Variants in BBS9 observed in about 807,000 individuals in gnomAD.
BBS9 encodes protein PTHB1.
Under a neutral mutation model 117.7 loss-of-function variants are expected in BBS9, and 89 were observed. That is an observed-to-expected ratio of 0.76 (90% CI 0.64 to 0.90). BBS9 has a LOEUF of 0.90. Ranked by LOEUF, BBS9 falls within the 40% of genes least tolerant of loss-of-function variation. The probability of loss-of-function intolerance (pLI) is 0.00; values close to 1 mark genes in which losing one functional copy is unlikely to be tolerated. For synonymous variants in BBS9, 379 were observed against 370.9 expected (o/e 1.02, Z -0.25); for missense variants, 982 against 1,042.2 (o/e 0.94, Z 0.80).
intron 19 of BBS9, among the ~76,000 whole-genome samples, chr7:33,467,253 A>G (rs531694635): frequency 4.4e-4 from 67 of 152,186 alleles, no homozygotes; most frequent in Non-Finnish European, 7.9e-4. Flanking sequence ...AGTTACTGAT[A>G]TTACCAAAAC....
intron 21 of BBS9, among the ~76,000 whole-genome samples, chr7:33,631,473 A>T (rs1865887195): frequency 6.6e-6 from 1 of 152,126 alleles, no homozygotes; most frequent in Non-Finnish European, 1.5e-5. Flanking sequence ...TTGCATCCTT[A>T]GCTCCTTTCA....
intron 5 of BBS9, among the ~76,000 whole-genome samples, chr7:33,184,097 C>CACACAG (rs1554333529): frequency 6.7e-6 from 1 of 149,454 alleles, no homozygotes; most frequent in East Asian, 2.0e-4. Flanking sequence ...AGTTTGCACA[C>CACACAG]AGAGAGAGAG....
chr7:33,451,167 T>G (rs1449893425), intron 19 of BBS9, among the ~76,000 whole-genome samples: 2 of 152,088 alleles, frequency 1.3e-5, no homozygotes, highest in Admixed American at 1.3e-4. Context: ...GGATTACAGG[T>G]GTGAGCCACC....
intron 21 of BBS9, among the ~76,000 whole-genome samples, chr7:33,544,823 G>T (rs1162150264): frequency 1.3e-5 from 2 of 152,126 alleles, no homozygotes; most frequent in Non-Finnish European, 2.9e-5. Flanking sequence ...GTCGGGGTGG[G>T]ACTAGGTGTG....
chr7:33,294,286 CTATCATCT>C (rs1372951716), intron 9 of BBS9, among the ~76,000 whole-genome samples: 11 of 149,184 alleles, frequency 7.4e-5, no homozygotes, highest in East Asian at 1.9e-4. Context: ...TTCCATCTAT[CTATCATCT>C]ATCTATCTAT....
Position 33,534,100 on chromosome 7 carries a change from C to T in BBS9, c.2445C>T (p.Leu815=). The T allele has an allele frequency of 6.2e-7, 1 of 1,614,200 alleles. No individual in the cohort carries two copies. Among genetic ancestry groups the T allele is most frequent in the Non-Finnish European group, 8.5e-7 (1 of 1,180,042 alleles). ...AACTGAAGAAACATATCACCTTGCT[C>T]TGCGATAGATTATCCAAAGGTGGCC... The part of the protein sequence containing the change: ...TSQLKKHITL[L]CDRLSKGGRL... Residue 815 remains leucine (L), a synonymous_variant, in exon 21 of 23, where the codon CTC becomes CTT. Coordinates refer to ENST00000242067, the MANE Select transcript of BBS9 (RefSeq NM_198428.3).
rs565435222 is a variant in BBS9, at chr7:33,596,116, C to T, written c.2522-8749C>T. ...TGGCAGGTTGATAGGTGCAGCAAAC[C>T]ACTATGGCACACATATACCTTTGTA... is the stretch of plus-strand genomic sequence containing the variant. On this transcript the variant is annotated intron_variant, in intron 21 of 22. Coordinates refer to ENST00000242067, the MANE Select transcript of BBS9 (RefSeq NM_198428.3). Among the ~76,000 whole-genome samples the T allele has an allele frequency of 2.0e-5, 3 of 151,912 alleles. No individual in the cohort carries two copies. The South Asian group carries it at 6.2e-4, about 32-fold the overall frequency.
At chr7:33,533,406 TTGC>T (rs538162287) in intron 20 of BBS9, among the ~76,000 whole-genome samples, 59 of 152,292 alleles carry the variant, frequency 3.9e-4, no homozygotes, top group African/African-American at 1.3e-3. Flanking sequence ...ACGATCCTTC[TTGC>T]AATAGCTCCT....
At chr7:33,596,299 C>CACACACACACACAT (rs1491153351) in intron 21 of BBS9, among the ~76,000 whole-genome samples, 51 of 143,512 alleles carry the variant, frequency 3.6e-4, no homozygotes, top group African/African-American at 9.7e-4. Flanking sequence ...CACACACACA[C>CACACACACACACAT]TTATATATGT....
chr7:33,237,337 T>G (rs1244822907), intron 5 of BBS9, among the ~76,000 whole-genome samples: 2 of 152,226 alleles, frequency 1.3e-5, no homozygotes, highest in Non-Finnish European at 2.9e-5. Context: ...TGTTCTTCTT[T>G]GAGCTATGTA....
chr7:33,176,940 T>C (rs185735305), intron 4 of BBS9, among the ~76,000 whole-genome samples: 110 of 152,308 alleles, frequency 7.2e-4, no homozygotes, highest in African/African-American at 2.5e-3. Context: ...AGATTCTTCT[T>C]GGCAGACTTC....
rs1832725929 is a variant in BBS9 at position 33,420,674 on chromosome 7, T to C, written c.2115+32530T>C. ...CTGCTTTTTTTTCTTGGAAAAGAAATGTTCCATGGAAACTTTTCCTGTGAA... is the reference window on the plus strand; with the variant it reads ...CTGCTTTTTTTTCTTGGAAAAGAAACGTTCCATGGAAACTTTTCCTGTGAA... On this transcript the variant is annotated intron_variant, in intron 19 of 22. Coordinates refer to ENST00000242067, the MANE Select transcript of BBS9 (RefSeq NM_198428.3). 2.0e-5 allele frequency among the ~76,000 whole-genome samples: 3 copies of C among 152,066 alleles called. No individual in the cohort carries two copies. In the South Asian group the frequency reaches 6.2e-4, roughly 32 times the overall value.
chr7:33,146,613 C>T (rs867861605), intron 2 of BBS9, among the ~76,000 whole-genome samples: 4 of 149,930 alleles, frequency 2.7e-5, no homozygotes, highest in Admixed American at 1.3e-4. Flanking sequence ...GCAGGAGAAT[C>T]GCTTGAACCC....
intron 1 of BBS9, among the ~76,000 whole-genome samples, chr7:33,134,531 A>T (rs550866317): frequency 6.6e-6 from 1 of 152,156 alleles, no homozygotes; most frequent in Non-Finnish European, 1.5e-5. Context: ...CCATCATTTC[A>T]TCTTCTTGAT....
chr7:33,347,570 C>T (rs541117396), intron 12 of BBS9, among the ~76,000 whole-genome samples: 1 of 151,770 alleles, frequency 6.6e-6, no homozygotes, highest in Non-Finnish European at 1.5e-5. Context: ...TTAATTGCAT[C>T]GATAGTTGTC....
chr7:33,290,862 C>T (rs191861191), intron 9 of BBS9, among the ~76,000 whole-genome samples: 7 of 152,088 alleles, frequency 4.6e-5, no homozygotes, highest in Non-Finnish European at 8.8e-5. Context: ...TGTGTATTTG[C>T]TTTATTCCTT....
chr7:33,203,466 T>C (rs1294728570), intron 5 of BBS9, among the ~76,000 whole-genome samples: 2 of 152,130 alleles, frequency 1.3e-5, no homozygotes, highest in Non-Finnish European at 2.9e-5. Context: ...TCTTACATTT[T>C]AGTGTACAGA....
At chr7:33,391,406 A>G (rs141793215) in intron 19 of BBS9, among the ~76,000 whole-genome samples, 341 of 152,254 alleles carry the variant, frequency 2.2e-3, no homozygotes, top group African/African-American at 8.1e-3. Flanking sequence ...TCTCTATGAG[A>G]CACACATACA....
intron 16 of BBS9, among the ~76,000 whole-genome samples, chr7:33,366,845 A>T (rs1307725181): frequency 1.3e-5 from 2 of 152,022 alleles, no homozygotes; most frequent in East Asian, 3.9e-4. Flanking sequence ...CGCCTGGCCT[A>T]ATATTTCTTT....
Sources: gnomAD v4.1 joint callset for allele counts (sites outside exome capture counted in the v4.1 genomes callset) on GRCh38, gnomAD v4.1.1 for gene constraint, MANE v1.5 for transcripts, NCBI Gene and HGNC (gene_info 2026-07-23, HGNC 2026-07-21) for gene names.